Variants in AGPAT3 observed in about 807,000 individuals in gnomAD.
The protein encoded by AGPAT3 is 1-acylglycerol-3-phosphate O-acyltransferase 3.
In AGPAT3, 5 loss-of-function variants were observed where a neutral mutation model predicts 47.3. The ratio of observed to expected loss-of-function variants is 0.11; its 90% CI spans 0.06 to 0.22. The LOEUF (loss-of-function observed/expected upper bound fraction) is 0.22. Ranked by LOEUF, AGPAT3 falls within the 10% of genes least tolerant of loss-of-function variation. The pLI is 1.00. For synonymous variants in AGPAT3, 212 were observed against 208.3 expected, an observed-to-expected ratio of 1.02 and a Z score of -0.15; for missense variants, 315 against 493.0, an observed-to-expected ratio of 0.64 and a Z score of 3.42.
intron 1 of AGPAT3, chr21:43,867,240 C>G (rs993790838): frequency 6.6e-6 from 1 of 152,256 alleles, no homozygotes; most frequent in Non-Finnish European, 1.5e-5. Context: ...GAGGTTGTGT[C>G]ACGGAACGGC....
chr21:43,917,796 ATTGTGGGGGTTGTGTTGTGGGTG>A (rs556627246), intron 2 of AGPAT3, among the ~76,000 whole-genome samples: 6,690 of 104,856 alleles, frequency 0.064, 225 homozygotes, highest in African/African-American at 0.12. Flanking sequence ...TATTGTGGGT[ATTGTGGGGGTTGTGTTGTGGGTG>A]TTGTGGGGGT....
chr21:43,937,851 C>T (rs1316842679), intron 2 of AGPAT3, among the ~76,000 whole-genome samples: 1 of 152,144 alleles, frequency 6.6e-6, no homozygotes, highest in African/African-American at 2.4e-5. Flanking sequence ...CCCATGAAAC[C>T]AGATGACTTC....
chr21:43,887,502 GAC>G (rs2086007424), intron 1 of AGPAT3, among the ~76,000 whole-genome samples: 1 of 152,200 alleles, frequency 6.6e-6, no homozygotes, highest in Non-Finnish European at 1.5e-5. Flanking sequence ...TCTTAGCAGA[GAC>G]ACACTGAAAT....
intron 1 of AGPAT3, among the ~76,000 whole-genome samples, chr21:43,872,141 A>G (rs1027589051): frequency 6.6e-6 from 1 of 150,432 alleles, no homozygotes; most frequent in African/African-American, 2.4e-5. Flanking sequence ...ATTTATTCCC[A>G]GGTGCCCTTA....
rs958663348 is a variant in AGPAT3, at chr21:43,908,508, G to A, written c.-49+4489G>A. On this transcript the variant is annotated intron_variant, in intron 2 of 9. Coordinates refer to ENST00000291572, the MANE Select transcript of AGPAT3 (RefSeq NM_020132.5). This position sits in a 1 kb window ranked among gnomAD's most constrained non-coding sequence, Gnocchi z 4.9. ...TTGCTTTCCTGGGCCTTGGTGACCT[G>A]TCTGTGAAATGGGCACAGGAGCCCA... 2.6e-5 allele frequency among the ~76,000 whole-genome samples: 4 copies of A among 152,164 alleles called. No individual in the cohort carries two copies. The highest frequency in any genetic ancestry group is 2.1e-4 in the South Asian group (1 of 4,828).
chr21:43,964,478 G>C (rs907908367), intron 3 of AGPAT3, among the ~76,000 whole-genome samples: 1 of 152,022 alleles, frequency 6.6e-6, no homozygotes, highest in Non-Finnish European at 1.5e-5. Flanking sequence ...TTACAGGCGG[G>C]AGCGCCCAGC....
At chr21:43,949,145 G>C (rs188972966) in intron 2 of AGPAT3, among the ~76,000 whole-genome samples, 35 of 152,210 alleles carry the variant, frequency 2.3e-4, no homozygotes, top group East Asian at 1.3e-3. Context: ...TCTGGGGCTG[G>C]GGGGGAGCTT....
chr21:43,898,725 C>G (rs1244697119), intron 1 of AGPAT3, among the ~76,000 whole-genome samples: 1 of 152,176 alleles, frequency 6.6e-6, no homozygotes, highest in Non-Finnish European at 1.5e-5. Flanking sequence ...CGGGGTTTCT[C>G]CATGTTGGCC....
At position 43,883,344 on chromosome 21, in the gene AGPAT3, T is replaced by A. The variant is rs371600472; in HGVS notation, c.-112+17999T>A. 5.9e-5 allele frequency among the ~76,000 whole-genome samples: 9 copies of A among 152,358 alleles called. No homozygotes were observed. The East Asian group carries it at 1.7e-3, about 29-fold the overall frequency. ...CCCCAGGGAGAGGGCCTGTCCTCGC[T>A]GAGCCTCCGACACCGGTTCTGAGCC... On this transcript the variant is annotated intron_variant, in intron 1 of 9. Transcript: ENST00000291572.
chr21:43,936,147 GA>G (rs1305833799), intron 2 of AGPAT3, among the ~76,000 whole-genome samples: 1 of 152,232 alleles, frequency 6.6e-6, no homozygotes, highest in African/African-American at 2.4e-5. Context: ...CAAGGCCAGA[GA>G]AGTCAAGTGA....
chr21:43,883,101 A>G (rs1361990941), intron 1 of AGPAT3, among the ~76,000 whole-genome samples: 1 of 152,240 alleles, frequency 6.6e-6, no homozygotes, highest in Non-Finnish European at 1.5e-5. Flanking sequence ...TGAAGCTGTG[A>G]TACACACAGA....
chr21:43,884,260 C>G (rs1051818167), intron 1 of AGPAT3, among the ~76,000 whole-genome samples: 19 of 144,792 alleles, frequency 1.3e-4, no homozygotes, highest in African/African-American at 4.6e-4. Flanking sequence ...CCCTCCTTCC[C>G]CCTCCTTCCC....
chr21:43,904,647 C>T (rs1041706666), intron 2 of AGPAT3, among the ~76,000 whole-genome samples: 4 of 152,152 alleles, frequency 2.6e-5, no homozygotes, highest in African/African-American at 9.7e-5. Context: ...TGGGTGGGCC[C>T]AGGGTTGGGG....
chr21:43,897,910 G>A (rs953029179), intron 1 of AGPAT3, among the ~76,000 whole-genome samples: 3 of 152,184 alleles, frequency 2.0e-5, no homozygotes, highest in Middle Eastern at 3.2e-3. Context: ...AGGCCGAGGC[G>A]GGCAGATCAC....
intron 1 of AGPAT3, among the ~76,000 whole-genome samples, chr21:43,895,509 A>ATTT (rs10716158): frequency 5.7e-5 from 7 of 122,246 alleles, no homozygotes; most frequent in African/African-American, 2.2e-4. Context: ...TAGTGACAGG[A>ATTT]TTTTTTTTTT....
intron 2 of AGPAT3, among the ~76,000 whole-genome samples, chr21:43,948,729 T>C (rs1301830011): frequency 1.3e-5 from 2 of 152,234 alleles, no homozygotes; most frequent in African/African-American, 4.8e-5. Flanking sequence ...TAGCAGCGGT[T>C]TTAATTTTGT....
At chr21:43,878,420 C>T (rs1347352376) in intron 1 of AGPAT3, among the ~76,000 whole-genome samples, 9 of 152,246 alleles carry the variant, frequency 5.9e-5, no homozygotes, top group Non-Finnish European at 1.0e-4. Flanking sequence ...TTTGCCCCCT[C>T]GAGGGAGGGC....
chr21:43,905,085 C>T (rs1278091249), intron 2 of AGPAT3, among the ~76,000 whole-genome samples: 1 of 152,110 alleles, frequency 6.6e-6, no homozygotes, highest in African/African-American at 2.4e-5. Context: ...ACCATCTGAG[C>T]TGGGTGCTGA....
In AGPAT3 at chr21:43,981,406, C is replaced by T; in HGVS notation, c.1042+219C>T. 1 of 597,440 alleles carries T rather than the reference C, an allele frequency of 1.7e-6. No individual in the cohort carries two copies. The highest frequency in any genetic ancestry group is 3.0e-6 in the Non-Finnish European group (1 of 338,808). 37.0% of individuals were successfully genotyped at this position (597,440 alleles called of 1,614,324 possible). On this transcript the variant is annotated intron_variant, in intron 9 of 9. Transcript: ENST00000291572. The surrounding 1 kb of genome is among the most constrained non-coding windows in gnomAD (Gnocchi z 5.3). ...CCCCAGAGAGCCGAACGGCCGCCAC[C>T]TGGCGCCATCCCCACTGCAGCCCCA...
Sources: allele counts gnomAD v4.1 joint callset (sites outside exome capture counted in the v4.1 genomes callset), GRCh38; gene constraint gnomAD v4.1.1; non-coding constraint Gnocchi (gnomAD v3.1); transcripts MANE v1.5; gene names NCBI Gene and HGNC (gene_info 2026-07-23, HGNC 2026-07-21).